LUC7L: variants seen among roughly 807,000 people sequenced by gnomAD.
LUC7L encodes the protein putative RNA-binding protein Luc7-like 1.
LUC7L carries 29 observed loss-of-function variants against 51.1 expected under a neutral mutation model. That is an observed-to-expected ratio of 0.57 (90% CI 0.42 to 0.77). The LOEUF (loss-of-function observed/expected upper bound fraction) is 0.77, where lower values mean the gene tolerates loss of function less well. Ranked by LOEUF, LUC7L falls within the 30% of genes least tolerant of loss-of-function variation. LUC7L has a pLI of 0.00. For missense variants in LUC7L, 403 were observed against 511.9 expected, an observed-to-expected ratio of 0.79 and a Z score of 2.05; for synonymous variants, 181 against 180.7, an observed-to-expected ratio of 1.00 and a Z score of -0.01.
intron 2 of LUC7L, among the ~76,000 whole-genome samples, chr16:223,085 C>T (rs1244971979): frequency 6.6e-6 from 1 of 151,512 alleles, no homozygotes; most frequent in Non-Finnish European, 1.5e-5. Context: ...CTAGGCTGGG[C>T]ACGGTGGCTC....
intron 6 of LUC7L, among the ~76,000 whole-genome samples, chr16:198,364 G>A (rs2049221388): frequency 6.6e-6 from 1 of 151,432 alleles, no homozygotes; most frequent in East Asian, 1.9e-4. Context: ...GGGCTGGGAT[G>A]GTACAATGCT....
intron 1 of LUC7L, chr16:227,755 T>A (rs1166329787): frequency 7.9e-6 from 8 of 1,007,520 alleles, no homozygotes; most frequent in Non-Finnish European, 9.5e-6. Flanking sequence ...CTTTTTGTTA[T>A]GAACAAATGC....
chr16:211,009 T>A (rs1424694524), intron 3 of LUC7L, among the ~76,000 whole-genome samples: 1 of 147,454 alleles, frequency 6.8e-6, no homozygotes, highest in Non-Finnish European at 1.5e-5. Context: ...AGAGACTGTG[T>A]GCCACTGCAC....
chr16:220,655 T>C lies in LUC7L; in HGVS notation c.249A>G (p.Glu83=). ...IASKERDLFF[E]LDAMDHLESF... ...AACATTAAATAAAACTTACATCTAA[T>C]TCAAAAAACAGGTCTCTTTCTTTAC... The change falls in exon 3 of 10, where the codon GAA becomes GAG. Residue 83 remains glutamate (E), a synonymous_variant. Coordinates refer to ENST00000293872, the MANE Select transcript of LUC7L (RefSeq NM_201412.3). 2 of 1,610,484 alleles carry C rather than the reference T, an allele frequency of 1.2e-6. No individual in the cohort carries two copies. Among genetic ancestry groups the C allele is most frequent in the Non-Finnish European group, 1.7e-6 (2 of 1,177,262 alleles).
In LUC7L at chr16:206,160, A is replaced by T; in HGVS notation, c.367-13T>A. ...GTACTTTTTCTGCCTGTGAGGAGAAAGAATGAGGTAAGCAGACATCTGAAA... is the reference window on the plus strand; with the variant it reads ...GTACTTTTTCTGCCTGTGAGGAGAATGAATGAGGTAAGCAGACATCTGAAA... On this transcript the variant is annotated splice_polypyrimidine_tract_variant and intron_variant, in intron 4 of 9. Coordinates refer to ENST00000293872, the MANE Select transcript of LUC7L (RefSeq NM_201412.3). The T allele has an allele frequency of 6.2e-7, 1 of 1,611,252 alleles. No homozygotes were observed. The highest frequency in any genetic ancestry group is 8.5e-7 in the Non-Finnish European group (1 of 1,179,356).
intron 1 of LUC7L, chr16:227,793 TGAA>T: frequency 1.0e-6 from 1 of 999,032 alleles, no homozygotes. Flanking sequence ...CAAAATTGAA[TGAA>T]GAAGAAAGCT....
chr16:199,364 A>C, intron 5 of LUC7L, 126 bp from the exon 6 acceptor site: 5 of 641,548 alleles, frequency 7.8e-6, no homozygotes, highest in Non-Finnish European at 1.3e-5. Flanking sequence ...AAAAAAACAC[A>C]AACAAAACTT....
In LUC7L at chr16:206,035, T is replaced by C; in HGVS notation, c.479A>G (p.Glu160Gly). 6.2e-7 allele frequency: 1 copy of C among 1,613,304 alleles called. No homozygotes were observed. Among genetic ancestry groups the C allele is most frequent in the Non-Finnish European group, 8.5e-7 (1 of 1,179,854 alleles). ...TTCTTTTTTCTTCGCACGAACTTTT[T>C]CCACTTCCATAAGAATCTTCTGGGA... ...DESQKILMEV[E>G]KVRAKKKEAE... The change falls in exon 5 of 10, where the codon GAA (glutamate) becomes GGA (glycine). Residue 160 changes from glutamate (E) to glycine (G), a missense_variant. Transcript: ENST00000293872.
At chr16:214,900 A>T (rs2049744927) in intron 3 of LUC7L, among the ~76,000 whole-genome samples, 1 of 152,204 alleles carries the variant, frequency 6.6e-6, no homozygotes. Flanking sequence ...TCTAGAAATA[A>T]GTCACAAGGC....
At chr16:221,788 T>C (rs968486258) in intron 2 of LUC7L, among the ~76,000 whole-genome samples, 1 of 152,090 alleles carries the variant, frequency 6.6e-6, no homozygotes, top group Non-Finnish European at 1.5e-5. Flanking sequence ...TCTTGACTAC[T>C]TGAGATGCTC....
At chr16:223,910 G>A (rs2050048236) in intron 2 of LUC7L, among the ~76,000 whole-genome samples, 2 of 151,916 alleles carry the variant, frequency 1.3e-5, no homozygotes, top group Non-Finnish European at 2.9e-5. Context: ...GACCTCAAGT[G>A]ATCCACCCGC....
At chr16:228,965 C>G (rs541073765) in intron 1 of LUC7L, 21 of 1,424,064 alleles carry the variant, frequency 1.5e-5, no homozygotes, top group Non-Finnish European at 2.0e-5. Context: ...CCTCCGCCGA[C>G]TCCACAGTTC....
chr16:198,293 A>C (rs2049217399), intron 6 of LUC7L, among the ~76,000 whole-genome samples: 1 of 151,506 alleles, frequency 6.6e-6, no homozygotes, highest in Non-Finnish European at 1.5e-5. Flanking sequence ...AAAAAAAAAA[A>C]AAAAAAAAAA....
intron 7 of LUC7L, chr16:190,875 T>G: frequency 3.3e-6 from 1 of 301,456 alleles, no homozygotes; most frequent in East Asian, 5.9e-5. Context: ...AATAAAACTT[T>G]GTCTCAAAAA....
In LUC7L at chr16:192,328, C is replaced by G. The variant is rs541607839; in HGVS notation, c.776+599G>C. Among the ~76,000 whole-genome samples, 3 of 152,198 alleles carry G rather than the reference C, an allele frequency of 2.0e-5. No homozygotes were observed. The South Asian group carries it at 6.2e-4, about 32-fold the overall frequency. ...AGCACGCTTGCCAAAGGGGAGCAGG[C>G]ACCACCCCTCCTGCGTAAACAGGTG... On this transcript the variant is annotated intron_variant, in intron 7 of 9. Coordinates refer to ENST00000293872, the MANE Select transcript of LUC7L (RefSeq NM_201412.3).
chr16:208,613 G>C (rs148755482), intron 3 of LUC7L: 1 of 994,468 alleles, frequency 1.0e-6, no homozygotes, highest in Non-Finnish European at 1.2e-6. Context: ...GTCTTTGTGA[G>C]CCACGTAAAT....
intron 2 of LUC7L, 40 bp from the exon 3 acceptor site, chr16:220,787 C>G (rs369044439): frequency 7.3e-7 from 1 of 1,369,564 alleles, no homozygotes; most frequent in Non-Finnish European, 1.0e-6. Flanking sequence ...TCAGTGCCTA[C>G]CTACTGTAGA....
intron 6 of LUC7L, among the ~76,000 whole-genome samples, chr16:196,431 A>AAAC (rs2142046308): frequency 6.6e-6 from 1 of 151,708 alleles, no homozygotes; most frequent in African/African-American, 2.4e-5. Context: ...AACAAACAAA[A>AAAC]AAAACCCAAC....
chr16:193,240 G>A (rs942744557), intron 6 of LUC7L, among the ~76,000 whole-genome samples: 3 of 150,888 alleles, frequency 2.0e-5, no homozygotes, highest in Admixed American at 6.6e-5. Context: ...CTTCCACCTC[G>A]AGTTCAACCT....
Sources: gnomAD v4.1 joint callset for allele counts (sites outside exome capture counted in the v4.1 genomes callset) on GRCh38, gnomAD v4.1.1 for gene constraint, MANE v1.5 for transcripts, NCBI Gene and HGNC (gene_info 2026-07-23, HGNC 2026-07-21) for gene names.